The following LINGO2 variants were observed in gnomAD, a reference collection of about 807,000 sequenced individuals.
LINGO2 encodes the protein leucine-rich repeat and immunoglobulin-like domain-containing nogo receptor-interacting protein 2.
Under a neutral mutation model 30.6 loss-of-function variants are expected in LINGO2, and 14 were observed. The observed-to-expected ratio is 0.46, with a 90% CI of 0.30 to 0.72. The LOEUF is 0.72. Among genes scored for constraint, LINGO2 ranks in the 30% least tolerant of loss-of-function variants. LINGO2 has a pLI of 0.07. For synonymous variants in LINGO2, 317 were observed against 288.5 expected (o/e 1.10, Z -1.00); for missense variants, 729 against 751.7 (o/e 0.97, Z 0.35).
At chr9:28,991,919 T>A in the LINGO2 span, among the ~76,000 whole-genome samples, 16 of 151,982 alleles carry the variant, frequency 1.1e-4, no homozygotes, top group East Asian at 2.9e-3. Flanking sequence ...GCATGCCAAA[T>A]TGTAAAGACC....
the LINGO2 span, among the ~76,000 whole-genome samples, chr9:29,143,200 T>G: frequency 6.6e-6 from 1 of 152,032 alleles, no homozygotes; most frequent in African/African-American, 2.4e-5. Context: ...ACATCTAGTG[T>G]TTATGGATGG....
intron 4 of LINGO2, among the ~76,000 whole-genome samples, chr9:28,276,703 T>C (rs138844414): frequency 9.2e-5 from 14 of 152,320 alleles, no homozygotes; most frequent in African/African-American, 3.4e-4. Flanking sequence ...ACTTCTCGCA[T>C]ATTATATTAT....
At chr9:28,644,074 C>T (rs1414168646) in intron 1 of LINGO2, among the ~76,000 whole-genome samples, 1 of 152,002 alleles carries the variant, frequency 6.6e-6, no homozygotes, top group African/African-American at 2.4e-5. Flanking sequence ...AACCCTTGTG[C>T]ACTGTTGGTA....
chr9:28,345,462 G>T (rs575562824), intron 3 of LINGO2, among the ~76,000 whole-genome samples: 1 of 152,102 alleles, frequency 6.6e-6, no homozygotes, highest in Non-Finnish European at 1.5e-5. Flanking sequence ...CAAATATAGG[G>T]TAACCTATTG....
the LINGO2 span, among the ~76,000 whole-genome samples, chr9:28,851,466 A>G: frequency 1.3e-5 from 2 of 152,036 alleles, no homozygotes; most frequent in Non-Finnish European, 2.9e-5. Context: ...TCAGGATAGT[A>G]TCCCTATTTT....
the LINGO2 span, among the ~76,000 whole-genome samples, chr9:28,961,218 G>T: frequency 6.6e-6 from 1 of 152,114 alleles, no homozygotes; most frequent in East Asian, 1.9e-4. Context: ...TCTGTAGCAA[G>T]AATGCACATA....
the LINGO2 span, among the ~76,000 whole-genome samples, chr9:28,780,065 C>G: frequency 3.9e-5 from 6 of 151,974 alleles, no homozygotes; most frequent in African/African-American, 1.5e-4. Context: ...TATTTTAAGT[C>G]AAATGGAACC....
the LINGO2 span, among the ~76,000 whole-genome samples, chr9:28,890,342 G>A: frequency 2.6e-5 from 4 of 152,014 alleles, no homozygotes; most frequent in African/African-American, 9.7e-5. Context: ...ATATAATTAG[G>A]TTGTGCAGGT....
At chr9:29,181,695 A>G in the LINGO2 span, among the ~76,000 whole-genome samples, 1 of 152,340 alleles carries the variant, frequency 6.6e-6, no homozygotes, top group East Asian at 1.9e-4. Context: ...GACTTAACAA[A>G]GAAATCAAAC....
chr9:28,036,798 C>T (rs1404446492), intron 4 of LINGO2, among the ~76,000 whole-genome samples: 2 of 152,114 alleles, frequency 1.3e-5, no homozygotes, highest in Non-Finnish European at 2.9e-5. Context: ...AGGCTCCTTA[C>T]AAAGTTAGCT....
intron 4 of LINGO2, among the ~76,000 whole-genome samples, chr9:28,242,099 G>T (rs1266848194): frequency 6.6e-6 from 1 of 152,114 alleles, no homozygotes. Flanking sequence ...TTCCAACAGG[G>T]GCCAGAATTG....
the LINGO2 span, among the ~76,000 whole-genome samples, chr9:28,848,414 T>C: frequency 3.7e-5 from 5 of 133,732 alleles, no homozygotes; most frequent in African/African-American, 1.4e-4. Context: ...TATATATATA[T>C]ATATATATAT....
At chr9:28,652,721 GA>G (rs1479988209) in intron 1 of LINGO2, among the ~76,000 whole-genome samples, 1 of 151,604 alleles carries the variant, frequency 6.6e-6, no homozygotes, top group South Asian at 2.1e-4. Flanking sequence ...AAAAAAAAAG[GA>G]AAAAAAGTAG....
chr9:27,946,783 C>T (rs1045169622), downstream of LINGO2, among the ~76,000 whole-genome samples: 3 of 152,058 alleles, frequency 2.0e-5, no homozygotes, highest in East Asian at 5.8e-4. Context: ...CTATGATAGT[C>T]ATCAGAAAAG....
At chr9:28,179,547 C>G (rs1386386928) in intron 4 of LINGO2, among the ~76,000 whole-genome samples, 1 of 117,202 alleles carries the variant, frequency 8.5e-6, no homozygotes, top group Non-Finnish European at 1.8e-5. Context: ...TAGTTTTTTA[C>G]TATATATACT....
In LINGO2 at chr9:28,632,871, T is replaced by G. The variant is rs1389905666; in HGVS notation, c.-365+37329A>C. 3.7e-3 allele frequency among the ~76,000 whole-genome samples: 395 copies of G among 107,614 alleles called. 2 individuals are homozygous for G. The highest frequency in any genetic ancestry group is 0.016 in the East Asian group (59 of 3,634). 70.6% of individuals were successfully genotyped at this position (107,614 alleles called of 152,430 possible). On this transcript the variant is annotated intron_variant, in intron 1 of 5. Transcript: ENST00000379992. ...TATATATTTTTTATATATATATATATATATATATGTAGAGAGAGAGAGAGA... is the reference window on the plus strand; with the variant it reads ...TATATATTTTTTATATATATATATAGATATATATGTAGAGAGAGAGAGAGA...
intron 2 of LINGO2, among the ~76,000 whole-genome samples, chr9:28,415,984 C>A (rs146744496): frequency 6.6e-6 from 1 of 152,162 alleles, no homozygotes; most frequent in African/African-American, 2.4e-5. Context: ...TACAATACAC[C>A]TTATTAAACC....
At chr9:28,421,148 A>C (rs189390882) in intron 2 of LINGO2, among the ~76,000 whole-genome samples, 1 of 152,008 alleles carries the variant, frequency 6.6e-6, no homozygotes, top group Non-Finnish European at 1.5e-5. Flanking sequence ...AAATTAACAC[A>C]GTTGCATTTG....
chr9:28,067,947 G>C (rs1825362534), intron 4 of LINGO2, among the ~76,000 whole-genome samples: 1 of 152,054 alleles, frequency 6.6e-6, no homozygotes, highest in South Asian at 2.1e-4. Context: ...TGTTAATACA[G>C]TTAAATTCCT....
Sources: allele counts gnomAD v4.1 joint callset (sites outside exome capture counted in the v4.1 genomes callset), GRCh38; gene constraint gnomAD v4.1.1; transcripts MANE v1.5; gene names NCBI Gene and HGNC (gene_info 2026-07-23, HGNC 2026-07-21).